The following CNIH3 variants were observed in gnomAD, a reference collection of about 807,000 sequenced individuals.
The protein encoded by CNIH3 is protein cornichon homolog 3.
CNIH3 carries 14 observed loss-of-function variants against 24.1 expected under a neutral mutation model. That is an observed-to-expected ratio of 0.58 (90% CI 0.38 to 0.91). The LOEUF (loss-of-function observed/expected upper bound fraction) is 0.91. CNIH3 is among the 40% of genes least tolerant of loss of function. The pLI, the probability that CNIH3 is intolerant of heterozygous loss-of-function variation, is 0.00. For synonymous variants in CNIH3, 68 were observed against 73.8 expected, an observed-to-expected ratio of 0.92 and a Z score of 0.40; for missense variants, 178 against 196.8, an observed-to-expected ratio of 0.90 and a Z score of 0.57.
intron 3 of CNIH3, among the ~76,000 whole-genome samples, chr1:224,547,391 T>C (rs1361619996): frequency 6.6e-6 from 1 of 152,024 alleles, no homozygotes; most frequent in Admixed American, 6.6e-5. Flanking sequence ...TGTGATATTA[T>C]TCATAATATC....
intron 1 of CNIH3, among the ~76,000 whole-genome samples, chr1:224,628,945 C>T (rs958262777): frequency 5.3e-5 from 8 of 151,772 alleles, no homozygotes; most frequent in Non-Finnish European, 1.2e-4. Context: ...CCCCCCCAAC[C>T]ACCTGCCACC....
chr1:224,512,715 A>C (rs1411785642), upstream of CNIH3, among the ~76,000 whole-genome samples: 2 of 151,140 alleles, frequency 1.3e-5, no homozygotes, highest in African/African-American at 4.8e-5. Context: ...CCACCCTGCC[A>C]CCCCTCCAGC....
intron 1 of CNIH3, among the ~76,000 whole-genome samples, chr1:224,457,511 ATTTTTT>A (rs943521801): frequency 1.9e-3 from 206 of 111,204 alleles, no homozygotes; most frequent in African/African-American, 6.3e-3. Flanking sequence ...TGGTCTGGGG[ATTTTTT>A]TTTTTTTTTT....
At chr1:224,696,349 A>G (rs994539939) in intron 3 of CNIH3, among the ~76,000 whole-genome samples, 5 of 152,214 alleles carry the variant, frequency 3.3e-5, no homozygotes, top group Admixed American at 6.5e-5. Flanking sequence ...TCTTAGGCAA[A>G]TGGCAGAATC....
intron 3 of CNIH3, among the ~76,000 whole-genome samples, chr1:224,715,545 A>C (rs1183134065): frequency 6.6e-6 from 1 of 152,186 alleles, no homozygotes; most frequent in Non-Finnish European, 1.5e-5. Context: ...GGAATACCTG[A>C]AGTTGGACAA....
Position 224,616,780 on chromosome 1 carries a change from C to A in CNIH3, c.-395C>A. 9.6e-7 allele frequency: 1 copy of A among 1,041,238 alleles called. No individual in the cohort carries two copies. The highest frequency in any genetic ancestry group is 1.2e-6 in the Non-Finnish European group (1 of 866,048). 64.5% of individuals were successfully genotyped at this position (1,041,238 alleles called of 1,614,324 possible). ...TAGTGGAGAAAAGCAGAGAGCTCTT[C>A]CTGGGGCGAATGGGACCTCCTCCCT... On this transcript the variant is annotated 5_prime_UTR_variant, in exon 1 of 6. Transcript: ENST00000272133.
At chr1:224,521,932 A>T (rs1678651363) in intron 2 of CNIH3, among the ~76,000 whole-genome samples, 1 of 152,230 alleles carries the variant, frequency 6.6e-6, no homozygotes, top group Non-Finnish European at 1.5e-5. Flanking sequence ...TGTTACAAGT[A>T]ATAGACCCTA....
At chr1:224,627,476 G>A (rs955699425) in intron 1 of CNIH3, among the ~76,000 whole-genome samples, 1 of 151,988 alleles carries the variant, frequency 6.6e-6, no homozygotes, top group African/African-American at 2.4e-5. Flanking sequence ...CTCCCGCCTC[G>A]GTCTCCCAAA....
chr1:224,634,143 C>T (rs1055249106), intron 1 of CNIH3, among the ~76,000 whole-genome samples: 6 of 152,172 alleles, frequency 3.9e-5, no homozygotes, highest in African/African-American at 7.2e-5. Context: ...GTCCCCTGGC[C>T]GTGGAGGCAG....
chr1:224,436,562 A>T (rs2102937174), intron 1 of CNIH3, among the ~76,000 whole-genome samples: 1 of 152,334 alleles, frequency 6.6e-6, no homozygotes, highest in Non-Finnish European at 1.5e-5. Context: ...TCTATATTCC[A>T]GTTTTTCTAA....
intron 1 of CNIH3, among the ~76,000 whole-genome samples, chr1:224,624,685 C>G (rs1478239318): frequency 6.6e-6 from 1 of 152,210 alleles, no homozygotes; most frequent in Admixed American, 6.5e-5. Flanking sequence ...TAAACCACCC[C>G]ACTCATGGCT....
At chr1:224,439,673 G>A (rs372017294) in intron 1 of CNIH3, among the ~76,000 whole-genome samples, 13 of 152,192 alleles carry the variant, frequency 8.5e-5, no homozygotes, top group East Asian at 3.9e-4. Context: ...GTGCAGTGGC[G>A]CAATCTCGGC....
intron 1 of CNIH3, among the ~76,000 whole-genome samples, chr1:224,625,433 A>G (rs140619678): frequency 0.047 from 7,142 of 152,218 alleles, 232 homozygotes; most frequent in East Asian, 0.15. Context: ...GTGGGCGCCT[A>G]TAGTCCCAGC....
chr1:224,443,341 A>G (rs1242748037), intron 1 of CNIH3, among the ~76,000 whole-genome samples: 1 of 152,172 alleles, frequency 6.6e-6, no homozygotes, highest in African/African-American at 2.4e-5. Flanking sequence ...GAGGGTTTCT[A>G]AATTGTGTAG....
At chr1:224,567,322 T>C (rs1680621932) in intron 4 of CNIH3, among the ~76,000 whole-genome samples, 1 of 152,386 alleles carries the variant, frequency 6.6e-6, no homozygotes, top group Non-Finnish European at 1.5e-5. Flanking sequence ...GTAGGTTGCC[T>C]GTTCACTCTG....
chr1:224,616,849 G>GGTGGTCGCCGTATCATTAAAAA lies in CNIH3; in HGVS notation c.-326_-325insGTGGTCGCCGTATCATTAAAAA. 2 of 1,161,382 alleles carry GGTGGTCGCCGTATCATTAAAAA rather than the reference G, an allele frequency of 1.7e-6. No homozygotes were observed. The highest frequency in any genetic ancestry group is 1.1e-6 in the Non-Finnish European group (1 of 941,684). The allele number at this position is 1,161,382 out of a possible 1,614,324, so 71.9% of individuals were successfully genotyped here. A position where few individuals can be genotyped will look rare whatever the true frequency, so the allele number is the denominator to read the frequency against. On this transcript the variant is annotated 5_prime_UTR_variant, in exon 1 of 6. The change creates a premature stop within an existing upstream ORF in the 5' untranslated region. Coordinates refer to ENST00000272133, the MANE Select transcript of CNIH3 (RefSeq NM_152495.2). ...TCGCATCGCTTGTCGTGTTGGTCTC[G>GGTGGTCGCCGTATCATTAAAAA]AGGGGCTCACAGCTTGGCACTAATT...
intron 1 of CNIH3, among the ~76,000 whole-genome samples, chr1:224,471,435 T>C (rs1229211108): frequency 1.3e-5 from 2 of 152,288 alleles, no homozygotes; most frequent in Non-Finnish European, 2.9e-5. Context: ...TAACCATCAT[T>C]GTACGCTCTA....
chr1:224,691,114 T>C (rs1470963792), intron 3 of CNIH3, among the ~76,000 whole-genome samples: 3 of 152,230 alleles, frequency 2.0e-5, no homozygotes, highest in African/African-American at 7.2e-5. Flanking sequence ...GCATTATTAT[T>C]AATGCTTCCT....
At chr1:224,523,153 C>T (rs925441295) in intron 2 of CNIH3, among the ~76,000 whole-genome samples, 2 of 151,866 alleles carry the variant, frequency 1.3e-5, no homozygotes, top group East Asian at 1.9e-4. Flanking sequence ...GCAGAAGGAT[C>T]GCTTGAGTGC....
Sources: gnomAD v4.1 joint callset for allele counts (sites outside exome capture counted in the v4.1 genomes callset) on GRCh38, gnomAD v4.1.1 for gene constraint, MANE v1.5 for transcripts, NCBI Gene and HGNC (gene_info 2026-07-23, HGNC 2026-07-21) for gene names.